PLEKHA7: variants seen among roughly 807,000 people sequenced by gnomAD.
PLEKHA7 encodes the protein pleckstrin homology domain containing A7, also known as pleckstrin homology domain-containing family A member 7.
PLEKHA7 carries 104 observed loss-of-function variants against 170.0 expected under a neutral mutation model. The ratio of observed to expected loss-of-function variants is 0.61; its 90% confidence interval spans 0.52 to 0.72. PLEKHA7 has a LOEUF of 0.72. PLEKHA7 is among the 30% of genes least tolerant of loss of function. The pLI is 0.00. For synonymous variants in PLEKHA7, 648 were observed against 660.8 expected (o/e 0.98, Z 0.30); for missense variants, 1,615 against 1,671.7 (o/e 0.97, Z 0.59).
chr11:16,934,510 GCT>G (rs1554975815), intron 3 of PLEKHA7, among the ~76,000 whole-genome samples: 1 of 152,116 alleles, frequency 6.6e-6, no homozygotes, highest in Non-Finnish European at 1.5e-5. Flanking sequence ...CTTCCAAGTC[GCT>G]TTTTAAAAAA....
chr11:16,995,437 G>A (rs61881291), intron 3 of PLEKHA7, among the ~76,000 whole-genome samples: 7,895 of 152,014 alleles, frequency 0.052, 301 homozygotes, highest in Non-Finnish European at 0.076. Context: ...TCTCGTCCCC[G>A]CCCAATCCCA....
chr11:16,951,143 G>A (rs1338339551), intron 3 of PLEKHA7, among the ~76,000 whole-genome samples: 1 of 152,066 alleles, frequency 6.6e-6, no homozygotes, highest in Non-Finnish European at 1.5e-5. Flanking sequence ...CATCCATATT[G>A]CAAAGACAAA....
At position 16,794,557 on chromosome 11, in the gene PLEKHA7, T is replaced by C. The variant is rs747504112; in HGVS notation, c.2676A>G (p.Arg892=). 4 of 1,613,588 alleles carry C rather than the reference T, an allele frequency of 2.5e-6. No individual in the cohort carries two copies. In the East Asian group the frequency reaches 8.9e-5, roughly 36 times the overall value. ...CTTTCCTCAGCTGGGGTGGGTGAGG[T>C]CGGTACGGCACGTAGGTTTGCAGCT... ...FPQLQTYVPY[R]PHPPQLRKVT... is the part of the protein sequence containing the mutation. Residue 892 remains arginine, a synonymous_variant, in exon 19 of 27, where the codon CGA becomes CGG. Transcript: ENST00000531066.
intron 19 of PLEKHA7, 32 bp downstream of exon 19, chr11:16,794,456 A>G (rs1848070230): frequency 1.3e-6 from 2 of 1,577,634 alleles, no homozygotes; most frequent in Non-Finnish European, 1.7e-6. Flanking sequence ...AGAGGAAACA[A>G]TGGCATTCAG....
intron 3 of PLEKHA7, among the ~76,000 whole-genome samples, chr11:16,982,163 A>G (rs1863468837): frequency 6.6e-6 from 1 of 152,248 alleles, no homozygotes; most frequent in Non-Finnish European, 1.5e-5. Flanking sequence ...AGATACAAAT[A>G]GATATCTGAA....
At chr11:16,951,409 C>G (rs1455757317) in intron 3 of PLEKHA7, among the ~76,000 whole-genome samples, 2 of 152,200 alleles carry the variant, frequency 1.3e-5, no homozygotes, top group Non-Finnish European at 2.9e-5. Context: ...TGCATTCTAC[C>G]AAGCACTTAC....
chr11:16,803,334 G>A, intron 13 of PLEKHA7, 39 bp from the exon 14 acceptor site: 1 of 1,579,138 alleles, frequency 6.3e-7, no homozygotes, highest in Non-Finnish European at 8.7e-7. Flanking sequence ...TAACCATGGT[G>A]TTTGAGATCA....
intron 10 of PLEKHA7, among the ~76,000 whole-genome samples, chr11:16,824,589 C>A (rs1316897835): frequency 6.6e-6 from 1 of 152,188 alleles, no homozygotes; most frequent in African/African-American, 2.4e-5. Context: ...AATTCACTTA[C>A]GAGTGTCGCT....
intron 3 of PLEKHA7, among the ~76,000 whole-genome samples, chr11:16,873,062 A>C (rs1854994049): frequency 6.6e-6 from 1 of 152,148 alleles, no homozygotes; most frequent in African/African-American, 2.4e-5. Flanking sequence ...CTCAAAGGTA[A>C]AATTACTGAA....
intron 10 of PLEKHA7, among the ~76,000 whole-genome samples, chr11:16,819,093 A>G (rs1850012156): frequency 6.9e-6 from 1 of 145,122 alleles, no homozygotes; most frequent in South Asian, 2.2e-4. Flanking sequence ...GTGAGCCACC[A>G]TGCCTGGCCG....
chr11:16,885,748 C>T (rs112517330), intron 3 of PLEKHA7, among the ~76,000 whole-genome samples: 1 of 151,942 alleles, frequency 6.6e-6, no homozygotes, highest in African/African-American at 2.4e-5. Context: ...AATCCCAGCA[C>T]TTTGGGAGGC....
intron 8 of PLEKHA7, among the ~76,000 whole-genome samples, chr11:16,844,119 T>C (rs760024245): frequency 4.6e-5 from 7 of 152,182 alleles, no homozygotes; most frequent in Non-Finnish European, 1.0e-4. Context: ...TCCCACTAGA[T>C]ACAAGCATAG....
chr11:16,789,216 G>A lies in PLEKHA7; in HGVS notation c.3237C>T (p.Arg1079=). The change falls in exon 23 of 27, where the codon CGC becomes CGT. Residue 1079 remains arginine, a synonymous_variant. Coordinates refer to ENST00000531066, the MANE Select transcript of PLEKHA7 (RefSeq NM_001329630.2). This position sits in a 1 kb window ranked among gnomAD's most constrained non-coding sequence, Gnocchi z 4.6. The stretch of plus-strand genomic sequence containing the variant: ...CCAGGGCCTTCTGGTGTCGCTTCAT[G>A]CGCTCCAGCTGCTCCTCTGCACTCA... The part of the protein sequence containing the change: ...GKMSAEEQLE[R]MKRHQKALVR... 1.2e-6 allele frequency: 2 copies of A among 1,613,640 alleles called. No individual in the cohort carries two copies. The highest frequency in any genetic ancestry group is 1.7e-4 in the Middle Eastern group (1 of 6,056).
intron 3 of PLEKHA7, among the ~76,000 whole-genome samples, chr11:16,952,701 T>C (rs956263839): frequency 2.0e-5 from 3 of 152,252 alleles, no homozygotes; most frequent in Non-Finnish European, 2.9e-5. Flanking sequence ...AGAATACATA[T>C]TGGTTAAGCA....
chr11:16,945,701 G>A (rs1425390773), intron 3 of PLEKHA7, among the ~76,000 whole-genome samples: 4 of 152,208 alleles, frequency 2.6e-5, no homozygotes, highest in Non-Finnish European at 5.9e-5. Flanking sequence ...GAGGGGTGGT[G>A]AGGGGACATG....
At chr11:16,869,453 C>A (rs1001885565) in intron 4 of PLEKHA7, among the ~76,000 whole-genome samples, 2 of 152,214 alleles carry the variant, frequency 1.3e-5, no homozygotes, top group Non-Finnish European at 2.9e-5. Context: ...TTCTTCATCT[C>A]TAAAATGGTG....
At chr11:17,013,798 G>A (rs1865474517) in intron 3 of PLEKHA7, among the ~76,000 whole-genome samples, 191 bp downstream of exon 3, 1 of 152,156 alleles carries the variant, frequency 6.6e-6, no homozygotes, top group African/African-American at 2.4e-5. Context: ...CGTAGGTGCG[G>A]CCCCCACCGC....
intron 12 of PLEKHA7, among the ~76,000 whole-genome samples, chr11:16,814,156 C>G (rs2134649057): frequency 6.6e-6 from 1 of 152,302 alleles, no homozygotes; most frequent in Non-Finnish European, 1.5e-5. Context: ...TAGTGGCTTG[C>G]AAGGTCTTGT....
At chr11:16,962,619 C>A (rs1426439841) in intron 3 of PLEKHA7, among the ~76,000 whole-genome samples, 1 of 152,126 alleles carries the variant, frequency 6.6e-6, no homozygotes. Flanking sequence ...TACCACCATG[C>A]CCAGCTAATT....
Sources: gnomAD v4.1 joint callset for allele counts (sites outside exome capture counted in the v4.1 genomes callset) on GRCh38, gnomAD v4.1.1 for gene constraint, Gnocchi (gnomAD v3.1) non-coding constraint, MANE v1.5 for transcripts, NCBI Gene and HGNC (gene_info 2026-07-23, HGNC 2026-07-21) for gene names.